GPR158: variants seen among roughly 807,000 people sequenced by gnomAD.
GPR158 encodes metabotropic glycine receptor.
A neutral mutation model predicts 78.2 loss-of-function variants in GPR158; 30 were observed. That is an observed-to-expected ratio of 0.38 (90% CI 0.29 to 0.52). The LOEUF (loss-of-function observed/expected upper bound fraction) is 0.52, where lower values mean the gene tolerates loss of function less well. GPR158 is among the 20% of genes least tolerant of loss of function. The probability of loss-of-function intolerance (pLI) is 0.83; values close to 1 mark genes in which losing one functional copy is unlikely to be tolerated. For missense variants in GPR158, 1,463 were observed against 1,523.5 expected, an observed-to-expected ratio of 0.96 and a Z score of 0.66; for synonymous variants, 581 against 591.1, an observed-to-expected ratio of 0.98 and a Z score of 0.25.
intron 4 of GPR158, among the ~76,000 whole-genome samples, chr10:25,426,055 GTTCT>G (rs1474548357): frequency 6.6e-6 from 1 of 152,066 alleles, no homozygotes; most frequent in African/African-American, 2.4e-5. Context: ...TAAAATTCTG[GTTCT>G]TTAATTTTCT....
intron 2 of GPR158, among the ~76,000 whole-genome samples, chr10:25,273,154 C>T (rs1854138914): frequency 1.3e-5 from 2 of 152,164 alleles, no homozygotes; most frequent in South Asian, 4.1e-4. Context: ...CAGCTATGTC[C>T]TTCCATATCC....
intron 7 of GPR158, among the ~76,000 whole-genome samples, chr10:25,588,404 T>A (rs34372366): frequency 2.0e-5 from 3 of 152,180 alleles, no homozygotes; most frequent in Non-Finnish European, 4.4e-5. Flanking sequence ...AACAAGGTGA[T>A]TGTGAATTTT....
chr10:25,581,729 A>C (rs1335196), intron 7 of GPR158, among the ~76,000 whole-genome samples: 7,786 of 152,226 alleles, frequency 0.051, 230 homozygotes, highest in African/African-American at 0.096. Flanking sequence ...TCACTAGTCA[A>C]AGCTACCAGG....
intron 2 of GPR158, among the ~76,000 whole-genome samples, chr10:25,282,883 A>G (rs1489863732): frequency 6.6e-6 from 1 of 152,050 alleles, no homozygotes; most frequent in Non-Finnish European, 1.5e-5. Flanking sequence ...TATTTGTGAT[A>G]TCTGATTATA....
rs528208241 is a variant in GPR158, at chr10:25,270,698, CCTT to C, written c.1008+49546_1008+49548del. 4.3e-3 allele frequency among the ~76,000 whole-genome samples: 662 copies of C among 152,264 alleles called. 6 individuals carry two copies. The highest frequency in any genetic ancestry group is 3.7e-3 in the Non-Finnish European group (252 of 68,016). On this transcript the variant is annotated intron_variant, in intron 2 of 10. Transcript: ENST00000376351. The stretch of plus-strand genomic sequence containing the variant: ...TATCTACAAGTCTTCTTTTACATCT[CCTT>C]CTTCCTCATCACCTTATCGAAGTCC...
At chr10:25,522,009 C>T (rs1217631766) in intron 5 of GPR158, among the ~76,000 whole-genome samples, 1 of 152,174 alleles carries the variant, frequency 6.6e-6, no homozygotes, top group Non-Finnish European at 1.5e-5. Flanking sequence ...TAAATAACCT[C>T]TGAGATGTCT....
At chr10:25,488,784 T>A (rs919107956) in intron 5 of GPR158, among the ~76,000 whole-genome samples, 1 of 152,134 alleles carries the variant, frequency 6.6e-6, no homozygotes, top group African/African-American at 2.4e-5. Context: ...AAAGAGGGAT[T>A]CACCTAAGAT....
chr10:25,395,861 C>A (rs1211019508), intron 2 of GPR158, 50 bp from the exon 3 acceptor site: 3 of 875,924 alleles, frequency 3.4e-6, no homozygotes, highest in East Asian at 2.5e-5. Context: ...AGCCTTTATA[C>A]CATGAGATAA....
chr10:25,187,325 A>T (rs1852702794), intron 1 of GPR158, among the ~76,000 whole-genome samples: 1 of 152,132 alleles, frequency 6.6e-6, no homozygotes, highest in Non-Finnish European at 1.5e-5. Context: ...CAGAGACACA[A>T]TAAAAAAAGA....
Position 25,319,588 on chromosome 10 carries a change from G to C in GPR158, c.1009-76323G>C, listed in dbSNP as rs115209098. On this transcript the variant is annotated intron_variant, in intron 2 of 10. Coordinates refer to ENST00000376351, the MANE Select transcript of GPR158 (RefSeq NM_020752.3). ...TTAAAAGCTATAACATACTTTTCTA[G>C]TTAATGAGGAACCTTATTTGCTGCC... 6.5e-3 allele frequency among the ~76,000 whole-genome samples: 993 copies of C among 152,208 alleles called. 11 individuals carry two copies. The highest frequency in any genetic ancestry group is 0.023 in the African/African-American group (944 of 41,544).
chr10:25,399,839 A>C lies in GPR158; in HGVS notation c.1111+3826A>C, dbSNP rs1470535174. 2.0e-5 allele frequency among the ~76,000 whole-genome samples: 3 copies of C among 152,186 alleles called. No homozygotes were observed. The East Asian group carries it at 5.8e-4, about 29-fold the overall frequency. On this transcript the variant is annotated intron_variant, in intron 3 of 10. Coordinates refer to ENST00000376351, the MANE Select transcript of GPR158 (RefSeq NM_020752.3). The stretch of plus-strand genomic sequence containing the variant: ...TTAATTTATTAGGCCTCTTCATCAT[A>C]GTATCCAGGCAAGTTATAGGGAATG...
At chr10:25,183,693 C>T (rs1453810859) in intron 1 of GPR158, among the ~76,000 whole-genome samples, 4 of 152,150 alleles carry the variant, frequency 2.6e-5, no homozygotes, top group East Asian at 3.9e-4. Flanking sequence ...AAAACCTGTC[C>T]GATTGGCAAA....
At chr10:25,327,474 C>T (rs770583314) in intron 2 of GPR158, among the ~76,000 whole-genome samples, 6 of 152,172 alleles carry the variant, frequency 3.9e-5, no homozygotes, top group Non-Finnish European at 8.8e-5. Context: ...ACAAGGGAAC[C>T]GTTGAATTAA....
intron 2 of GPR158, among the ~76,000 whole-genome samples, chr10:25,367,437 T>A (rs1855740080): frequency 6.6e-6 from 1 of 151,788 alleles, no homozygotes; most frequent in East Asian, 1.9e-4. Flanking sequence ...CCAGTTTTCC[T>A]TTGTTCTTTT....
intron 5 of GPR158, among the ~76,000 whole-genome samples, chr10:25,504,491 T>A (rs77208161): frequency 4.1e-4 from 62 of 152,200 alleles, no homozygotes; most frequent in Non-Finnish European, 3.2e-4. Context: ...GCTTCCAACA[T>A]GGTGGATAGC....
intron 5 of GPR158, among the ~76,000 whole-genome samples, chr10:25,493,611 T>C (rs2130650116): frequency 6.6e-6 from 1 of 152,158 alleles, no homozygotes; most frequent in East Asian, 1.9e-4. Flanking sequence ...AGAAATAAAA[T>C]ATGTCTAAAT....
chr10:25,597,916 ACAGT>A lies in GPR158; in HGVS notation c.2294_2297del (p.Val765AlafsTer42). On this transcript the variant is annotated frameshift_variant, in exon 11 of 11. Transcript: ENST00000376351. LOFTEE classifies it low-confidence loss of function (END_TRUNC). ...GAGACGCATTACGGAGATCCCAGAG[ACAGT>A]CAGCCGGCAGTGCTCTAAAGAGGAC... 1 of 1,611,924 alleles carries A rather than the reference ACAGT, an allele frequency of 6.2e-7. No individual in the cohort carries two copies. Among genetic ancestry groups the A allele is most frequent in the Non-Finnish European group, 8.5e-7 (1 of 1,178,958 alleles).
At chr10:25,583,961 C>A (rs898889348) in intron 7 of GPR158, among the ~76,000 whole-genome samples, 1 of 152,060 alleles carries the variant, frequency 6.6e-6, no homozygotes, top group African/African-American at 2.4e-5. Flanking sequence ...CCTTCAGTGT[C>A]AAAGAACTTA....
At chr10:25,532,034 A>G (rs373619261) in intron 5 of GPR158, among the ~76,000 whole-genome samples, 1 of 152,328 alleles carries the variant, frequency 6.6e-6, no homozygotes, top group South Asian at 2.1e-4. Flanking sequence ...ACATAGGACT[A>G]TCAGGACAAT....
Sources: allele counts gnomAD v4.1 joint callset (sites outside exome capture counted in the v4.1 genomes callset), GRCh38; gene constraint gnomAD v4.1.1; transcripts MANE v1.5; gene names NCBI Gene and HGNC (gene_info 2026-07-23, HGNC 2026-07-21).